Variants in SNED1 observed in about 807,000 individuals in gnomAD.
SNED1 encodes sushi, nidogen and EGF-like domain-containing protein 1.
SNED1 carries 81 observed loss-of-function variants against 166.7 expected under a neutral mutation model. The observed-to-expected ratio is 0.49, with a 90% confidence interval of 0.41 to 0.58. The LOEUF (loss-of-function observed/expected upper bound fraction) is 0.58, where lower values mean the gene tolerates loss of function less well. SNED1 is among the 20% of genes least tolerant of loss of function. The pLI is 0.00. For missense variants in SNED1, 1,604 were observed against 2,000.2 expected, an observed-to-expected ratio of 0.80 and a Z score of 3.78; for synonymous variants, 762 against 822.0, an observed-to-expected ratio of 0.93 and a Z score of 1.25.
chr2:241,087,752 G>T, intron 30 of SNED1: 4 of 1,221,322 alleles, frequency 3.3e-6, no homozygotes, highest in Non-Finnish European at 4.2e-6. Context: ...GCTACAATTG[G>T]GAAGCACAGG....
At chr2:241,036,198 G>A (rs1054958823) in intron 4 of SNED1, among the ~76,000 whole-genome samples, 18 of 151,840 alleles carry the variant, frequency 1.2e-4, no homozygotes, top group Non-Finnish European at 2.2e-4. Flanking sequence ...CCATCTGAGG[G>A]CTGCAGGTGG....
intron 16 of SNED1, among the ~76,000 whole-genome samples, chr2:241,062,357 C>T (rs2062260598): frequency 1.3e-5 from 2 of 152,162 alleles, no homozygotes; most frequent in African/African-American, 4.8e-5. Context: ...TATTTAAATT[C>T]AGGAGCACAA....
intron 2 of SNED1, among the ~76,000 whole-genome samples, chr2:241,032,207 G>A (rs1054936138): frequency 6.6e-5 from 10 of 152,176 alleles, no homozygotes; most frequent in South Asian, 2.1e-4. Flanking sequence ...GAAGTCAGCC[G>A]GGTGTGATGG....
chr2:241,046,048 C>T (rs988893427), intron 8 of SNED1, among the ~76,000 whole-genome samples: 8 of 152,042 alleles, frequency 5.3e-5, no homozygotes, highest in African/African-American at 7.2e-5. Flanking sequence ...GGTGAATAAA[C>T]GGATGGAAAA....
chr2:241,072,320 G>C (rs1285023737), intron 26 of SNED1: 3 of 422,480 alleles, frequency 7.1e-6, no homozygotes, highest in African/African-American at 6.1e-5. Context: ...CCCGGTGGCA[G>C]CAAGGCTGAT....
At chr2:241,006,689 T>C (rs2060230364) in intron 1 of SNED1, among the ~76,000 whole-genome samples, 1 of 152,210 alleles carries the variant, frequency 6.6e-6, no homozygotes, top group Non-Finnish European at 1.5e-5. Flanking sequence ...TCTGTGTGTC[T>C]ACCTACATCC....
At chr2:241,007,381 C>T (rs370142486) in intron 1 of SNED1, among the ~76,000 whole-genome samples, 4 of 152,340 alleles carry the variant, frequency 2.6e-5, no homozygotes, top group East Asian at 1.9e-4. Context: ...TTCATTTGTT[C>T]GTTCCTTCAG....
At chr2:241,045,372 G>A (rs1231957723) in intron 8 of SNED1, among the ~76,000 whole-genome samples, 2 of 152,148 alleles carry the variant, frequency 1.3e-5, no homozygotes, top group African/African-American at 4.8e-5. Context: ...AATAAATTTT[G>A]AGGAATCACA....
chr2:241,071,711 A>AC lies in SNED1; in HGVS notation c.3725_3726insC (p.Gln1242HisfsTer57). The AC allele has an allele frequency of 3.8e-6, 3 of 793,364 alleles. No individual in the cohort carries two copies. The highest frequency in any genetic ancestry group is 5.3e-6 in the Non-Finnish European group (3 of 564,572). 49.1% of individuals were successfully genotyped at this position (793,364 alleles called of 1,614,324 possible). ...CACAGCGCCCCCGAGACCCCCACCC[A>AC]GCCCCCCAGGTACATGCCCCACCCA... On this transcript the variant is annotated frameshift_variant, in exon 25 of 32. Transcript: ENST00000310397. LOFTEE classifies it high-confidence loss of function.
intron 30 of SNED1, 50 bp downstream of exon 30, chr2:241,087,525 G>T (rs747296420): frequency 4.5e-6 from 7 of 1,558,420 alleles, no homozygotes; most frequent in Non-Finnish European, 4.3e-6. Flanking sequence ...AGCCCACAGG[G>T]TGATGGGGCA....
Position 241,040,032 on chromosome 2 carries a change from A to G in SNED1, c.1046-43A>G, listed in dbSNP as rs374778277. 5.8e-5 allele frequency: 85 copies of G among 1,462,240 alleles called. No individual in the cohort carries two copies. The African/African-American group carries it at 1.1e-3, about 18-fold the overall frequency. 90.6% of individuals were successfully genotyped at this position (1,462,240 alleles called of 1,614,324 possible). The stretch of plus-strand genomic sequence containing the variant: ...GGGGTTTCTGTCCCCTCAGGTAACC[A>G]TAACTGGGAGTCCATCGTCCTGTCT... On this transcript the variant is annotated intron_variant, in intron 6 of 31. Coordinates refer to ENST00000310397, the MANE Select transcript of SNED1 (RefSeq NM_001080437.3).
chr2:241,055,706 A>G (rs769156321), intron 16 of SNED1, among the ~76,000 whole-genome samples: 1 of 152,220 alleles, frequency 6.6e-6, no homozygotes, highest in Non-Finnish European at 1.5e-5. Flanking sequence ...TGCAGAGAGT[A>G]AGTTCTCAGC....
rs191197349 is a variant in SNED1 at position 241,032,483 on chromosome 2, G to A, written c.502-1252G>A. Among the ~76,000 whole-genome samples, 235 of 149,700 alleles carry A rather than the reference G, an allele frequency of 1.6e-3. 1 individual carries two copies. The highest frequency in any genetic ancestry group is 5.4e-3 in the African/African-American group (221 of 40,610). ...GGAACATCACACACCAGGGCCTGTC[G>A]TGGGGTGGGGGGGTCGGGGGAGGGA... On this transcript the variant is annotated intron_variant, in intron 2 of 31. Transcript: ENST00000310397.
intron 15 of SNED1, 137 bp downstream of exon 15, chr2:241,052,605 G>A: frequency 2.8e-6 from 2 of 704,178 alleles, no homozygotes; most frequent in Admixed American, 4.0e-5. Flanking sequence ...CAGGATATAT[G>A]GGATACCAGT....
chr2:241,048,834 C>T (rs2061742691), intron 10 of SNED1, 68 bp downstream of exon 10: 1 of 1,389,736 alleles, frequency 7.2e-7, no homozygotes, highest in Non-Finnish European at 1.0e-6. Flanking sequence ...TGAATGGTGG[C>T]TTCGGCCGGG....
rs2064077022 is a variant in SNED1, at chr2:241,092,271, C to T, written c.*635C>T. ...AAGGTGGAGTTCAGACTTTTTTAGA[C>T]AACGGCGCGACTGGCAGCCTTTCTC... On this transcript the variant is annotated 3_prime_UTR_variant, in exon 32 of 32. Transcript: ENST00000310397. This position sits in a 1 kb window ranked among gnomAD's most constrained non-coding sequence, Gnocchi z 4.6. The T allele has an allele frequency of 6.6e-6, 1 of 152,196 alleles. No homozygotes were observed. The highest frequency in any genetic ancestry group is 1.5e-5 in the Non-Finnish European group (1 of 68,044). The allele number at this position is 152,196 out of a possible 1,614,324, so 9.4% of individuals were successfully genotyped here.
intron 1 of SNED1, among the ~76,000 whole-genome samples, chr2:241,029,055 C>T (rs1053779802): frequency 2.0e-5 from 3 of 152,190 alleles, no homozygotes; most frequent in African/African-American, 7.2e-5. Context: ...AGTGCCCGTT[C>T]CAGGCTTCAC....
Position 241,065,291 on chromosome 2 carries a change from C to T in SNED1, c.2714-8C>T, listed in dbSNP as rs761938798. On this transcript the variant is annotated splice_polypyrimidine_tract_variant and splice_region_variant and intron_variant, in intron 20 of 31. Transcript: ENST00000310397. ...TCCCCTCCCCTTGTTTTGACCCAAA[C>T]CCTGAAGAGCTCTTCCCACCGACGG... 5 of 1,612,378 alleles carry T rather than the reference C, an allele frequency of 3.1e-6. No individual in the cohort carries two copies. The highest frequency in any genetic ancestry group is 3.4e-6 in the Non-Finnish European group (4 of 1,179,784).
chr2:241,004,275 C>T (rs1271658900), intron 1 of SNED1, among the ~76,000 whole-genome samples: 2 of 152,154 alleles, frequency 1.3e-5, no homozygotes, highest in African/African-American at 4.8e-5. Context: ...ATGACTGTGG[C>T]CTTGATTGTC....
Sources: gnomAD v4.1 joint callset for allele counts (sites outside exome capture counted in the v4.1 genomes callset) on GRCh38, gnomAD v4.1.1 for gene constraint, Gnocchi (gnomAD v3.1) non-coding constraint, MANE v1.5 for transcripts, NCBI Gene and HGNC (gene_info 2026-07-23, HGNC 2026-07-21) for gene names.